The following ARHGEF10L variants were observed in gnomAD, a reference collection of about 807,000 sequenced individuals.
ARHGEF10L encodes the protein rho guanine nucleotide exchange factor 10-like protein.
Under a neutral mutation model 141.2 loss-of-function variants are expected in ARHGEF10L, and 69 were observed. That is an observed-to-expected ratio of 0.49 (90% confidence interval 0.40 to 0.60). The LOEUF (loss-of-function observed/expected upper bound fraction) is 0.60, where lower values mean the gene tolerates loss of function less well. Among genes scored for constraint, ARHGEF10L ranks in the 20% least tolerant of loss-of-function variants. The pLI, the probability that ARHGEF10L is intolerant of heterozygous loss-of-function variation, is 0.00. For missense variants in ARHGEF10L, 1,482 were observed against 1,734.3 expected, an observed-to-expected ratio of 0.85 and a Z score of 2.58; for synonymous variants, 711 against 718.5, an observed-to-expected ratio of 0.99 and a Z score of 0.17.
chr1:17,653,383 T>C (rs1354674961), intron 22 of ARHGEF10L, among the ~76,000 whole-genome samples: 1 of 152,188 alleles, frequency 6.6e-6, no homozygotes, highest in African/African-American at 2.4e-5. Context: ...GAGGAGCCAT[T>C]TGAGTATTTT....
chr1:17,696,212 CAAA>C (rs33980606), intron 28 of ARHGEF10L, among the ~76,000 whole-genome samples: 3 of 127,132 alleles, frequency 2.4e-5, no homozygotes, highest in South Asian at 2.8e-4. Context: ...GACACCATCT[CAAA>C]AAAAAAAAAA....
intron 18 of ARHGEF10L, among the ~76,000 whole-genome samples, chr1:17,637,057 C>G (rs1310989772): frequency 6.6e-6 from 1 of 151,526 alleles, no homozygotes; most frequent in Non-Finnish European, 1.5e-5. Flanking sequence ...ATCTTTCTCC[C>G]CACCACCTCC....
At chr1:17,569,536 C>A (rs2077902105) in intron 1 of ARHGEF10L, among the ~76,000 whole-genome samples, 1 of 152,216 alleles carries the variant, frequency 6.6e-6, no homozygotes, top group Non-Finnish European at 1.5e-5. Flanking sequence ...CTGCCCAGAG[C>A]TCCCTCGTGG....
intron 4 of ARHGEF10L, among the ~76,000 whole-genome samples, chr1:17,588,899 T>TGTGTGTGTGTGTGTGTG (rs1557758147): frequency 1.0e-3 from 30 of 30,046 alleles, no homozygotes; most frequent in African/African-American, 2.3e-3. Context: ...TGTGTGTGTG[T>TGTGTGTGTGTGTGTGTG]AGTGGGGGAG....
At chr1:17,556,088 AACACAG>A (rs1409834844) in intron 1 of ARHGEF10L, among the ~76,000 whole-genome samples, 8 of 110,752 alleles carry the variant, frequency 7.2e-5, no homozygotes, top group Admixed American at 2.0e-4. Flanking sequence ...TGGGCCTGGG[AACACAG>A]GGATGAGCCT....
At chr1:17,683,694 G>T (rs11203434) in intron 26 of ARHGEF10L, among the ~76,000 whole-genome samples, 1 of 152,034 alleles carries the variant, frequency 6.6e-6, no homozygotes, top group Non-Finnish European at 1.5e-5. Flanking sequence ...TTCCCCCGCC[G>T]GCCTCCCCGC....
chr1:17,662,166 C>T (rs565190835), intron 25 of ARHGEF10L, among the ~76,000 whole-genome samples: 162 of 152,240 alleles, frequency 1.1e-3, no homozygotes, highest in Non-Finnish European at 2.1e-3. Context: ...TCTCGGTTGT[C>T]TCCGTTATGA....
At position 17,639,707 on chromosome 1, in the gene ARHGEF10L, G is replaced by A; in HGVS notation, c.2172-495G>A. 1.7e-6 allele frequency: 1 copy of A among 591,940 alleles called. No individual in the cohort carries two copies. Among genetic ancestry groups the A allele is most frequent in the South Asian group, 1.6e-5 (1 of 62,090 alleles). The allele number at this position is 591,940 out of a possible 1,614,324, so 36.7% of individuals were successfully genotyped here. A position where few individuals can be genotyped will look rare whatever the true frequency, so the allele number is the denominator to read the frequency against. ...CAGCAACCTCTGGTTGCCCCAAGCT[G>A]GTGCTTAACCTGATTCATTCATTTC... is the stretch of plus-strand genomic sequence containing the variant. On this transcript the variant is annotated intron_variant, in intron 20 of 28. Transcript: ENST00000361221. The surrounding 1 kb of genome is among the most constrained non-coding windows in gnomAD (Gnocchi z 4.3).
rs2077398019 is a variant in ARHGEF10L at position 17,557,883 on chromosome 1, T to C, written c.-44+17933T>C. On this transcript the variant is annotated intron_variant, in intron 1 of 28. Transcript: ENST00000361221. ...GAAATGGTTGGGTCAGACTAAATAC[T>C]TGGGGTAAAGCTAGGATTCCTGGGT... Among the ~76,000 whole-genome samples the C allele has an allele frequency of 2.6e-5, 4 of 152,290 alleles. 1 individual carries two copies. Among genetic ancestry groups the C allele is most frequent in the South Asian group, 4.1e-4 (2 of 4,832 alleles).
At chr1:17,529,215 C>G in the ARHGEF10L span, among the ~76,000 whole-genome samples, 1 of 152,160 alleles carries the variant, frequency 6.6e-6, no homozygotes, top group African/African-American at 2.4e-5. Context: ...GTTGGCCAGG[C>G]TAGTCTTGAA....
rs1349768042 is a variant in ARHGEF10L, at chr1:17,577,897, A to C, written c.-43-2656A>C. ...GCTAATAAAGTGTCAGGCTCCATAC[A>C]TGTTGGTGTCTCTCTTCCTTTCTAG... On this transcript the variant is annotated intron_variant, in intron 1 of 28. Coordinates refer to ENST00000361221, the MANE Select transcript of ARHGEF10L (RefSeq NM_018125.4). Among the ~76,000 whole-genome samples the C allele has an allele frequency of 2.6e-5, 4 of 152,100 alleles. No homozygotes were observed. The South Asian group carries it at 8.3e-4, about 31-fold the overall frequency.
At chr1:17,584,794 G>A (rs12120509) in intron 2 of ARHGEF10L, among the ~76,000 whole-genome samples, 53 of 152,174 alleles carry the variant, frequency 3.5e-4, no homozygotes, top group Non-Finnish European at 6.3e-4. Flanking sequence ...GGAGATCAGT[G>A]TGGCTGGAGT....
intron 15 of ARHGEF10L, among the ~76,000 whole-genome samples, chr1:17,631,814 A>T (rs1274185653): frequency 2.0e-5 from 3 of 152,250 alleles, no homozygotes; most frequent in Non-Finnish European, 4.4e-5. Context: ...CGCAAGAGTC[A>T]TGTAGCCAGA....
At chr1:17,641,306 T>G (rs2061316334) in intron 21 of ARHGEF10L, among the ~76,000 whole-genome samples, 1 of 152,206 alleles carries the variant, frequency 6.6e-6, no homozygotes, top group African/African-American at 2.4e-5. Flanking sequence ...GATCTTTCTA[T>G]AGAGAAGCTT....
At chr1:17,564,712 G>A (rs540420001) in intron 1 of ARHGEF10L, among the ~76,000 whole-genome samples, 2 of 152,308 alleles carry the variant, frequency 1.3e-5, no homozygotes, top group African/African-American at 4.8e-5. Context: ...AATGAGAGTG[G>A]CCCCTGTCTC....
At chr1:17,681,959 G>T (rs2064156855) in intron 26 of ARHGEF10L, among the ~76,000 whole-genome samples, 1 of 151,420 alleles carries the variant, frequency 6.6e-6, no homozygotes, top group African/African-American at 2.4e-5. Context: ...TCCACACCCT[G>T]CCCTTACTAT....
chr1:17,646,079 T>C (rs2061581307), intron 21 of ARHGEF10L, among the ~76,000 whole-genome samples: 1 of 152,176 alleles, frequency 6.6e-6, no homozygotes, highest in Non-Finnish European at 1.5e-5. Context: ...ATTTCGGGAA[T>C]GAGTTCACTG....
At chr1:17,538,733 T>C (rs1368073129), upstream of ARHGEF10L, among the ~76,000 whole-genome samples, 8 of 151,516 alleles carry the variant, frequency 5.3e-5, no homozygotes, top group East Asian at 9.7e-4. Flanking sequence ...GGCTGTGGGC[T>C]GTAAGGAACA....
intron 26 of ARHGEF10L, among the ~76,000 whole-genome samples, chr1:17,679,612 A>T (rs12737453): frequency 6.6e-6 from 1 of 152,064 alleles, no homozygotes; most frequent in Non-Finnish European, 1.5e-5. Flanking sequence ...CTCAGCGGTA[A>T]AGTGTTGATA....
Sources: allele counts gnomAD v4.1 joint callset (sites outside exome capture counted in the v4.1 genomes callset), GRCh38; gene constraint gnomAD v4.1.1; non-coding constraint Gnocchi (gnomAD v3.1); transcripts MANE v1.5; gene names NCBI Gene and HGNC (gene_info 2026-07-23, HGNC 2026-07-21).